Variants in CSNK2A2IP observed in about 807,000 individuals in gnomAD.
The protein encoded by CSNK2A2IP is casein kinase 2 subunit alpha' interacting protein, also known as casein kinase II subunit alpha'-interacting protein.
At chr3:88,390,467 T>G in the CSNK2A2IP span, among the ~76,000 whole-genome samples, 4 of 152,184 alleles carry the variant, frequency 2.6e-5, no homozygotes, top group Non-Finnish European at 5.9e-5. Context: ...CATGAAGCTT[T>G]GTCATACCTC....
chr3:88,415,260 A>G, the CSNK2A2IP span, among the ~76,000 whole-genome samples: 1 of 152,054 alleles, frequency 6.6e-6, no homozygotes, highest in Non-Finnish European at 1.5e-5. Flanking sequence ...AAAATAGAAT[A>G]TGATTTTTAT....
At chr3:88,403,843 G>A in the CSNK2A2IP span, among the ~76,000 whole-genome samples, 1 of 152,076 alleles carries the variant, frequency 6.6e-6, no homozygotes, top group Non-Finnish European at 1.5e-5. Context: ...TAATGTCCTA[G>A]TGAAAGAAGT....
chr3:88,365,890 A>G, the CSNK2A2IP span, among the ~76,000 whole-genome samples: 1 of 152,074 alleles, frequency 6.6e-6, no homozygotes, highest in Non-Finnish European at 1.5e-5. Context: ...TACCATTTTA[A>G]CTCAGGGAAA....
chr3:88,432,585 G>T, the CSNK2A2IP span, among the ~76,000 whole-genome samples: 1 of 151,392 alleles, frequency 6.6e-6, no homozygotes, highest in East Asian at 1.9e-4. Flanking sequence ...GTATATATAT[G>T]AAGATAAGTA....
chr3:88,395,083 G>C, the CSNK2A2IP span, among the ~76,000 whole-genome samples: 1 of 152,186 alleles, frequency 6.6e-6, no homozygotes, highest in East Asian at 1.9e-4. Flanking sequence ...TCATTTGTGT[G>C]CATGTGTGTT....
At chr3:88,466,916 T>G in the CSNK2A2IP span, 13 of 1,230,986 alleles carry the variant, frequency 1.1e-5, no homozygotes, top group Non-Finnish European at 1.3e-5. Flanking sequence ...GTGAAATTAG[T>G]TCTTATCCTT....
chr3:88,465,103 G>A, the CSNK2A2IP span: 1 of 317,400 alleles, frequency 3.2e-6, no homozygotes, highest in Non-Finnish European at 5.7e-6. Flanking sequence ...ATTTACTCAG[G>A]AGAAAAAAGT....
At chr3:88,401,358 C>T in the CSNK2A2IP span, among the ~76,000 whole-genome samples, 48 of 152,090 alleles carry the variant, frequency 3.2e-4, no homozygotes, top group Non-Finnish European at 3.2e-4. Context: ...GCATACATAA[C>T]CTATGATTAT....
chr3:88,433,712 T>G, the CSNK2A2IP span, among the ~76,000 whole-genome samples: 1 of 152,104 alleles, frequency 6.6e-6, no homozygotes, highest in Non-Finnish European at 1.5e-5. Flanking sequence ...AGTGAAAATA[T>G]CACATACTTC....
chr3:88,369,473 C>T, the CSNK2A2IP span, among the ~76,000 whole-genome samples: 8 of 151,890 alleles, frequency 5.3e-5, no homozygotes, highest in African/African-American at 1.9e-4. Context: ...TGAAAGACTG[C>T]TACAGCGTCA....
chr3:88,378,485 C>A, the CSNK2A2IP span, among the ~76,000 whole-genome samples: 2 of 151,918 alleles, frequency 1.3e-5, no homozygotes, highest in African/African-American at 4.8e-5. Flanking sequence ...AATACTGTAA[C>A]TGGTGGCCAC....
the CSNK2A2IP span, among the ~76,000 whole-genome samples, chr3:88,462,857 G>A: frequency 1.3e-5 from 2 of 152,104 alleles, no homozygotes; most frequent in Admixed American, 1.3e-4. Context: ...ATACTATTTG[G>A]AACCTCAAGA....
At chr3:88,401,368 T>C in the CSNK2A2IP span, among the ~76,000 whole-genome samples, 1 of 152,120 alleles carries the variant, frequency 6.6e-6, no homozygotes, top group African/African-American at 2.4e-5. Context: ...CCTATGATTA[T>C]TTGAATAGCA....
the CSNK2A2IP span, among the ~76,000 whole-genome samples, chr3:88,459,114 G>A: frequency 1.3e-5 from 2 of 151,998 alleles, no homozygotes; most frequent in Non-Finnish European, 2.9e-5. Context: ...AATATGTCTT[G>A]AAAAAGGAAG....
the CSNK2A2IP span, among the ~76,000 whole-genome samples, chr3:88,392,494 C>A: frequency 6.6e-6 from 1 of 151,918 alleles, no homozygotes; most frequent in African/African-American, 2.4e-5. Context: ...GAAGGAATGG[C>A]CAGAGAAATA....
the CSNK2A2IP span, among the ~76,000 whole-genome samples, chr3:88,378,276 C>T: frequency 1.3e-5 from 2 of 151,724 alleles, no homozygotes; most frequent in Non-Finnish European, 2.9e-5. Context: ...TACTTCACTC[C>T]TTCTGGATTT....
At chr3:88,410,859 T>C in the CSNK2A2IP span, among the ~76,000 whole-genome samples, 1 of 152,022 alleles carries the variant, frequency 6.6e-6, no homozygotes, top group South Asian at 2.1e-4. Flanking sequence ...TAAAGACTTT[T>C]GTTATATATA....
At chr3:88,368,284 T>C in the CSNK2A2IP span, among the ~76,000 whole-genome samples, 1 of 151,786 alleles carries the variant, frequency 6.6e-6, no homozygotes, top group African/African-American at 2.4e-5. Flanking sequence ...GCAGGTGACA[T>C]TTTTGCTGGA....
the CSNK2A2IP span, among the ~76,000 whole-genome samples, chr3:88,389,068 G>A: frequency 2.0e-5 from 3 of 151,888 alleles, no homozygotes; most frequent in African/African-American, 7.3e-5. Flanking sequence ...TTACTGCGAG[G>A]AGATACACAA....
Sources: gnomAD v4.1 joint callset for allele counts (sites outside exome capture counted in the v4.1 genomes callset) on GRCh38, gnomAD v4.1.1 for gene constraint, MANE v1.5 for transcripts, NCBI Gene and HGNC (gene_info 2026-07-23, HGNC 2026-07-21) for gene names.